Variants in WBP4 observed in about 807,000 individuals in gnomAD.
WBP4 encodes the protein WW domain binding protein 4, also known as WW domain-binding protein 4.
In WBP4, 37 loss-of-function variants were observed where a neutral mutation model predicts 55.4. The ratio of observed to expected loss-of-function variants is 0.67; its 90% CI spans 0.51 to 0.88. The LOEUF (loss-of-function observed/expected upper bound fraction) is 0.88, where lower values mean the gene tolerates loss of function less well. Among genes scored for constraint, WBP4 ranks in the 40% least tolerant of loss-of-function variants. The probability of loss-of-function intolerance (pLI) is 0.00; values close to 1 mark genes in which losing one functional copy is unlikely to be tolerated. For missense variants in WBP4, 398 were observed against 420.8 expected, an observed-to-expected ratio of 0.95 and a Z score of 0.47; for synonymous variants, 142 against 140.2, an observed-to-expected ratio of 1.01 and a Z score of -0.09.
Position 41,061,520 on chromosome 13 carries a change from C to T in WBP4, c.-154C>T. ...TCGTCTGGGCACCCGTAGTTGGGAA[C>T]AGCGGAACGCTGGTCCCGGGGACTG... On this transcript the variant is annotated 5_prime_UTR_variant, in exon 1 of 10. Transcript: ENST00000379487. The T allele has an allele frequency of 4.1e-6, 5 of 1,223,570 alleles. No homozygotes were observed. The highest frequency in any genetic ancestry group is 5.8e-6 in the Non-Finnish European group (5 of 859,292). The allele number at this position is 1,223,570 out of a possible 1,614,324, so 75.8% of individuals were successfully genotyped here. A position where few individuals can be genotyped will look rare whatever the true frequency, so the allele number is the denominator to read the frequency against.
At chr13:41,062,617 CT>C in intron 1 of WBP4, 26 bp from the exon 2 acceptor site, 1 of 1,607,072 alleles carries the variant, frequency 6.2e-7, no homozygotes, top group Non-Finnish European at 8.5e-7. Context: ...TTTACATGAG[CT>C]TAGCCTTGTT....
chr13:41,068,780 A>G (rs1253043582), intron 5 of WBP4, 43 bp downstream of exon 5: 2 of 1,473,186 alleles, frequency 1.4e-6, no homozygotes, highest in East Asian at 2.4e-5. Context: ...CAGTGTCACT[A>G]GTAGAATAGA....
chr13:41,069,705 CAAAAAAAAAAAA>C (rs35819905), intron 5 of WBP4, among the ~76,000 whole-genome samples: 1 of 75,870 alleles, frequency 1.3e-5, no homozygotes, highest in South Asian at 4.5e-4. Flanking sequence ...GACTCTGCCT[CAAAAAAAAAAAA>C]AAAAAAAAAA....
At chr13:41,064,241 TTC>T in intron 2 of WBP4, among the ~76,000 whole-genome samples, 1 of 152,156 alleles carries the variant, frequency 6.6e-6, no homozygotes, top group East Asian at 1.9e-4. Context: ...CATAAAGAGC[TTC>T]TTTCTCTCTG....
rs2138489575 is a variant in WBP4, at chr13:41,083,538, T to G, written c.*624T>G. 2 of 152,564 alleles carry G rather than the reference T, an allele frequency of 1.3e-5. No individual in the cohort carries two copies. Among genetic ancestry groups the G allele is most frequent in the East Asian group, 3.9e-4 (2 of 5,192 alleles). 9.5% of individuals were successfully genotyped at this position (152,564 alleles called of 1,614,324 possible). On this transcript the variant is annotated 3_prime_UTR_variant, in exon 10 of 10. Coordinates refer to ENST00000379487, the MANE Select transcript of WBP4 (RefSeq NM_007187.5). ...TCACTTCAAAGCAGCAAACGTTGTTTAAGCATTTTAGTTTGAACCAGGCAT... is the reference window on the plus strand; with the variant it reads ...TCACTTCAAAGCAGCAAACGTTGTTGAAGCATTTTAGTTTGAACCAGGCAT...
At position 41,074,384 on chromosome 13, in the gene WBP4, T is replaced by C. The variant is rs9566683; in HGVS notation, c.562+1527T>C. ...GCTCATTGCATAGCATTAAATCTTT[T>C]AGGAAGAAAAGGCCCTTTTAACCTC... On this transcript the variant is annotated intron_variant, in intron 7 of 9. Transcript: ENST00000379487. 2.7e-3 allele frequency among the ~76,000 whole-genome samples: 417 copies of C among 152,326 alleles called. 8 individuals are homozygous for C. The East Asian group carries it at 0.049, about 18-fold the overall frequency.
At chr13:41,066,459 GGTT>G (rs1877978745) in intron 4 of WBP4, among the ~76,000 whole-genome samples, 1 of 151,746 alleles carries the variant, frequency 6.6e-6, no homozygotes, top group Non-Finnish European at 1.5e-5. Flanking sequence ...TCTATTTGCC[GGTT>G]GTTTTATTTT....
intron 6 of WBP4, among the ~76,000 whole-genome samples, 165 bp downstream of exon 6, chr13:41,071,738 A>C (rs1034030442): frequency 5.3e-5 from 8 of 152,022 alleles, no homozygotes; most frequent in Non-Finnish European, 1.0e-4. Context: ...AGAAGGCTGG[A>C]TGGAGATGAA....
chr13:41,082,810 ACTTCT>A lies in WBP4; in HGVS notation c.1031_1035del (p.Ser344TrpfsTer17). On this transcript the variant is annotated frameshift_variant, in exon 10 of 10. Coordinates refer to ENST00000379487, the MANE Select transcript of WBP4 (RefSeq NM_007187.5). LOFTEE classifies it high-confidence loss of function. ...AGTGGTATTTAAAGAAAAAACAGTC[ACTTCT>A]CTTGGAGTTATGGCAGATGGAGTGG... 1 of 1,614,102 alleles carries A rather than the reference ACTTCT, an allele frequency of 6.2e-7. No homozygotes were observed. The highest frequency in any genetic ancestry group is 8.5e-7 in the Non-Finnish European group (1 of 1,179,996).
chr13:41,065,852 G>A (rs892450298), intron 4 of WBP4, among the ~76,000 whole-genome samples: 2 of 152,154 alleles, frequency 1.3e-5, no homozygotes, highest in African/African-American at 4.8e-5. Flanking sequence ...TTTAAACTGG[G>A]AAGGTTTTGT....
chr13:41,061,513 TTGGGAACAGCGGAACGC>T lies in WBP4; in HGVS notation c.-157_-141del. On this transcript the variant is annotated 5_prime_UTR_variant, in exon 1 of 10. Transcript: ENST00000379487. ...GATTGGATCGTCTGGGCACCCGTAG[TTGGGAACAGCGGAACGC>T]TGGTCCCGGGGACTGAGTAAGGTGT... The T allele has an allele frequency of 8.8e-7, 1 of 1,134,430 alleles. No homozygotes were observed. Among genetic ancestry groups the T allele is most frequent in the Non-Finnish European group, 1.3e-6 (1 of 781,658 alleles). The allele number at this position is 1,134,430 out of a possible 1,614,324, so 70.3% of individuals were successfully genotyped here.
In WBP4 at chr13:41,065,365, T is replaced by G. The variant is rs370781320; in HGVS notation, c.262+78T>G. ...GAGGTCAAGCTAAGTAAGCTTTGAT[T>G]GCTTCCATAAAGAGGTTATAAACTC... On this transcript the variant is annotated intron_variant, in intron 4 of 9. Coordinates refer to ENST00000379487, the MANE Select transcript of WBP4 (RefSeq NM_007187.5). The G allele has an allele frequency of 3.6e-5, 53 of 1,478,624 alleles. No individual in the cohort carries two copies. In the East Asian group the frequency reaches 8.8e-4, roughly 24 times the overall value. 91.6% of individuals were successfully genotyped at this position (1,478,624 alleles called of 1,614,324 possible).
At chr13:41,071,833 G>T (rs959567557) in intron 6 of WBP4, among the ~76,000 whole-genome samples, 7 of 151,950 alleles carry the variant, frequency 4.6e-5, no homozygotes, top group Non-Finnish European at 8.8e-5. Flanking sequence ...ACAAGGTCAG[G>T]AGTTAAAGAC....
At chr13:41,074,823 T>C (rs1316168519) in intron 7 of WBP4, among the ~76,000 whole-genome samples, 2 of 152,106 alleles carry the variant, frequency 1.3e-5, no homozygotes, top group African/African-American at 4.8e-5. Flanking sequence ...GGTGAAATCC[T>C]GTCTCTACTA....
At chr13:41,062,096 G>GTTTTTTT (rs60658317) in intron 1 of WBP4, 1,784 of 802,296 alleles carry the variant, frequency 2.2e-3, no homozygotes, top group South Asian at 3.1e-3. Flanking sequence ...TAGCGTAATG[G>GTTTTTTT]TTTTTTTTTT....
chr13:41,079,995 A>G (rs770203953), intron 8 of WBP4, among the ~76,000 whole-genome samples: 2 of 144,732 alleles, frequency 1.4e-5, no homozygotes, highest in African/African-American at 2.5e-5. Context: ...CTCACTTATA[A>G]GTGGGAGCTA....
At chr13:41,075,991 C>T (rs1187265413) in intron 7 of WBP4, 53 bp from the exon 8 acceptor site, 29 of 1,537,286 alleles carry the variant, frequency 1.9e-5, no homozygotes, top group Non-Finnish European at 2.4e-5. Flanking sequence ...GTTGAAATTA[C>T]ATCTGAATAG....
At chr13:41,071,960 C>A (rs1878266057) in intron 6 of WBP4, among the ~76,000 whole-genome samples, 1 of 150,700 alleles carries the variant, frequency 6.6e-6, no homozygotes, top group African/African-American at 2.4e-5. Context: ...AGGGGAATCA[C>A]TGGGACCTGG....
intron 1 of WBP4, chr13:41,062,298 C>G: frequency 1.0e-6 from 1 of 984,348 alleles, no homozygotes; most frequent in Non-Finnish European, 1.2e-6. Context: ...TGAGTTTCTT[C>G]AGGTTTCCAT....
Sources: allele counts gnomAD v4.1 joint callset (sites outside exome capture counted in the v4.1 genomes callset), GRCh38; gene constraint gnomAD v4.1.1; transcripts MANE v1.5; gene names NCBI Gene and HGNC (gene_info 2026-07-23, HGNC 2026-07-21).